Variants in MCM3AP observed in about 807,000 individuals in gnomAD.
MCM3AP encodes germinal-center associated nuclear protein.
MCM3AP carries 126 observed loss-of-function variants against 184.1 expected under a neutral mutation model. The observed-to-expected ratio is 0.68, with a 90% CI of 0.59 to 0.79. MCM3AP has a LOEUF of 0.79. Ranked by LOEUF, MCM3AP falls within the 30% of genes least tolerant of loss-of-function variation. MCM3AP has a pLI of 0.00. For synonymous variants in MCM3AP, 1,002 were observed against 979.3 expected, an observed-to-expected ratio of 1.02 and a Z score of -0.43; for missense variants, 2,496 against 2,479.2, an observed-to-expected ratio of 1.01 and a Z score of -0.14.
At chr21:46,258,529 G>C (rs946761605) in intron 16 of MCM3AP, among the ~76,000 whole-genome samples, 3 of 152,056 alleles carry the variant, frequency 2.0e-5, no homozygotes, top group Non-Finnish European at 4.4e-5. Flanking sequence ...TACACTATTT[G>C]TATATTCCCT....
At chr21:46,256,699 AC>A (rs1292337727) in intron 17 of MCM3AP, 89 bp downstream of exon 17, 1 of 1,440,378 alleles carries the variant, frequency 6.9e-7, no homozygotes, top group East Asian at 2.5e-5. Context: ...ACCTATCTTC[AC>A]CCTCCAAACA....
intron 20 of MCM3AP, 132 bp downstream of exon 20, chr21:46,251,397 C>G: frequency 1.4e-6 from 1 of 712,032 alleles, no homozygotes; most frequent in South Asian, 2.9e-5. Flanking sequence ...AGACATAATA[C>G]TTGCTTCTGA....
At chr21:46,277,818 C>T in intron 4 of MCM3AP, 101 bp from the exon 5 acceptor site, 1 of 637,188 alleles carries the variant, frequency 1.6e-6, no homozygotes, top group South Asian at 2.7e-5. Context: ...TTTTCTGGTC[C>T]TCTAAAGCTG....
rs369556689 is a variant in MCM3AP at position 46,257,474 on chromosome 21, C to CAA, written c.3735-490_3735-489dup. On this transcript the variant is annotated intron_variant, in intron 16 of 27. Transcript: ENST00000291688. The stretch of plus-strand genomic sequence containing the variant: ...TGTGTGTACCAGCAAGGCTCCGTCT[C>CAA]AAAAAAAAAAAAAAAAAAAAAAAAA... Among the ~76,000 whole-genome samples, 255 of 49,188 alleles carry CAA rather than the reference C, an allele frequency of 5.2e-3. 6 individuals carry two copies. The highest frequency in any genetic ancestry group is 0.013 in the African/African-American group (154 of 12,048). The allele number at this position is 49,188 out of a possible 152,430, so 32.3% of individuals were successfully genotyped here.
chr21:46,274,946 A>AC (rs1393177866), intron 6 of MCM3AP, among the ~76,000 whole-genome samples: 4 of 151,728 alleles, frequency 2.6e-5, no homozygotes, highest in African/African-American at 9.7e-5. Flanking sequence ...CTCAAAAAAA[A>AC]AAAAAAAAAA....
At chr21:46,235,559 A>C (rs1224941033) in intron 27 of MCM3AP, 133 bp from the exon 28 acceptor site, 2 of 714,904 alleles carry the variant, frequency 2.8e-6, no homozygotes, top group Non-Finnish European at 4.6e-6. Flanking sequence ...GAGGGAAAAA[A>C]ATTATCCTTT....
Position 46,277,524 on chromosome 21 carries a change from T to A in MCM3AP, c.1858+3A>T. 1 of 1,562,804 alleles carries A rather than the reference T, an allele frequency of 6.4e-7. No homozygotes were observed. Among genetic ancestry groups the A allele is most frequent in the South Asian group, 1.2e-5 (1 of 84,884 alleles). ...CTAGAACCTCTGCCACCAAGTGCCA[T>A]ACCTTGCCGCATGATCCTGTCTCTC... On this transcript the variant is annotated splice_donor_region_variant and intron_variant, in intron 5 of 27. Transcript: ENST00000291688.
At chr21:46,262,561 T>C (rs17182899) in intron 13 of MCM3AP, among the ~76,000 whole-genome samples, 2,552 of 151,928 alleles carry the variant, frequency 0.017, 32 homozygotes, top group Non-Finnish European at 0.021. Context: ...GGTGAGAGGA[T>C]GGCTTGAGCC....
chr21:46,253,214 C>G (rs1455159067), intron 19 of MCM3AP: 1 of 152,144 alleles, frequency 6.6e-6, no homozygotes. Flanking sequence ...AAAATAAGAT[C>G]ATGTCAATTT....
chr21:46,273,707 A>G, intron 6 of MCM3AP, 122 bp from the exon 7 acceptor site: 1 of 689,050 alleles, frequency 1.5e-6, no homozygotes, highest in South Asian at 1.9e-5. Flanking sequence ...TTGAGAATAT[A>G]TTTTTTCAAC....
At chr21:46,276,376 A>G (rs1374487411) in intron 5 of MCM3AP, among the ~76,000 whole-genome samples, 1 of 152,188 alleles carries the variant, frequency 6.6e-6, no homozygotes, top group Non-Finnish European at 1.5e-5. Context: ...ATGTTATTAT[A>G]TTAAGGAAAC....
intron 11 of MCM3AP, 87 bp downstream of exon 11, chr21:46,265,838 G>T: frequency 6.8e-7 from 1 of 1,469,206 alleles, no homozygotes; most frequent in Non-Finnish European, 9.1e-7. Context: ...GCGTCCTGGC[G>T]AGAAAATGCA....
At chr21:46,236,003 T>G (rs1245082223) in intron 27 of MCM3AP, among the ~76,000 whole-genome samples, 2 of 152,272 alleles carry the variant, frequency 1.3e-5, no homozygotes, top group Non-Finnish European at 2.9e-5. Flanking sequence ...TATAATTGTT[T>G]AATCAGACTC....
chr21:46,242,313 G>A (rs2080680647), intron 25 of MCM3AP: 1 of 151,618 alleles, frequency 6.6e-6, no homozygotes, highest in Non-Finnish European at 1.5e-5. Context: ...GCCTTATCAA[G>A]TTAGGACTTT....
At chr21:46,242,998 AAC>A (rs987619592) in intron 24 of MCM3AP, 67 bp from the exon 25 acceptor site, 20 of 1,324,446 alleles carry the variant, frequency 1.5e-5, no homozygotes, top group East Asian at 9.6e-5. Flanking sequence ...AAAAAAAAAA[AAC>A]ACACACAAAA....
At chr21:46,252,198 G>T (rs2080883699) in intron 19 of MCM3AP, 1 of 152,348 alleles carries the variant, frequency 6.6e-6, no homozygotes, top group Admixed American at 6.5e-5. Context: ...AGGAGGAGGG[G>T]GCACTCCATT....
At chr21:46,254,184 C>A (rs2080913138) in intron 19 of MCM3AP, 2 of 608,994 alleles carry the variant, frequency 3.3e-6, no homozygotes, top group African/African-American at 1.8e-5. Context: ...ACTAATACAC[C>A]AAGTTTATGG....
chr21:46,272,502 C>T (rs2081193619), intron 8 of MCM3AP, 59 bp downstream of exon 8: 6 of 1,539,330 alleles, frequency 3.9e-6, no homozygotes, highest in Non-Finnish European at 5.3e-6. Context: ...AAGCTCTTCT[C>T]CTGTTTAAAG....
chr21:46,236,961 C>T lies in MCM3AP; in HGVS notation c.5652G>A (p.Gln1884=), dbSNP rs1174409178. The change falls in exon 27 of 28, where the codon CAG becomes CAA. Residue 1884 remains glutamine (Q), a synonymous_variant. Coordinates refer to ENST00000291688, the MANE Select transcript of MCM3AP (RefSeq NM_003906.5). ...EENKRFEDQL[Q]QWLSEDSGAF... is the part of the protein sequence containing the mutation. ...CTCCTGAGTCTTCAGACAACCATTG[C>T]TGAAGCTGATCTTCAAACCTGAAAC... 2 of 1,539,578 alleles carry T rather than the reference C, an allele frequency of 1.3e-6. No individual in the cohort carries two copies. The highest frequency in any genetic ancestry group is 1.4e-5 in the African/African-American group (1 of 70,992).
Sources: gnomAD v4.1 joint callset for allele counts (sites outside exome capture counted in the v4.1 genomes callset) on GRCh38, gnomAD v4.1.1 for gene constraint, MANE v1.5 for transcripts, NCBI Gene and HGNC (gene_info 2026-07-23, HGNC 2026-07-21) for gene names.